The following PDILT variants were observed in gnomAD, a reference collection of about 807,000 sequenced individuals.
PDILT encodes protein disulfide isomerase like, testis expressed, also known as protein disulfide-isomerase-like protein of the testis.
A neutral mutation model predicts 53.7 loss-of-function variants in PDILT; 43 were observed. The observed-to-expected ratio is 0.80, with a 90% CI of 0.63 to 1.03. The LOEUF is 1.03. Ranked by LOEUF, PDILT falls within the 50% of genes least tolerant of loss-of-function variation. The probability of loss-of-function intolerance (pLI) is 0.00; values close to 1 mark genes in which losing one functional copy is unlikely to be tolerated. For synonymous variants in PDILT, 282 were observed against 274.2 expected (o/e 1.03, Z -0.28); for missense variants, 727 against 712.3 (o/e 1.02, Z -0.24).
intron 4 of PDILT, among the ~76,000 whole-genome samples, chr16:20,375,269 G>A (rs1416192365): frequency 6.6e-6 from 1 of 152,188 alleles, no homozygotes; most frequent in African/African-American, 2.4e-5. Flanking sequence ...ACTTTCAGAA[G>A]AGGCAATTGA....
intron 2 of PDILT, among the ~76,000 whole-genome samples, chr16:20,397,474 T>A (rs1349586477): frequency 6.6e-6 from 1 of 152,052 alleles, no homozygotes; most frequent in Non-Finnish European, 1.5e-5. Flanking sequence ...CATTTTACAG[T>A]CAAGTAAACA....
intron 2 of PDILT, among the ~76,000 whole-genome samples, chr16:20,393,793 A>G (rs976565257): frequency 6.6e-6 from 1 of 152,200 alleles, no homozygotes; most frequent in African/African-American, 2.4e-5. Flanking sequence ...GCAAATTGAT[A>G]AGCATGTTCT....
intron 1 of PDILT, among the ~76,000 whole-genome samples, chr16:20,401,767 T>TC (rs1966743576): frequency 6.6e-6 from 1 of 152,190 alleles, no homozygotes; most frequent in South Asian, 2.1e-4. Context: ...GGGCTGAGCC[T>TC]CTGAGCAAAA....
Position 20,369,516 on chromosome 16 carries a change from G to C in PDILT, c.1092C>G (p.Arg364=). Reference sequence around the variant, plus strand: ...CTGTGGCATTTTTACTCAGGAAGCTGCGGCCAAATTTCTTGAGGCTTTCGT... The same window carrying C: ...CTGTGGCATTTTTACTCAGGAAGCTCCGGCCAAATTTCTTGAGGCTTTCGT... ...ITYESLKKFG[R]SFLSKNATKH... is the part of the protein sequence containing the mutation. The change falls in exon 8 of 12, where the codon CGC becomes CGG. Residue 364 remains arginine (R), a synonymous_variant. Coordinates refer to ENST00000302451, the MANE Select transcript of PDILT (RefSeq NM_174924.2). 6.2e-7 allele frequency: 1 copy of C among 1,614,178 alleles called. No individual in the cohort carries two copies. Among genetic ancestry groups the C allele is most frequent in the Non-Finnish European group, 8.5e-7 (1 of 1,179,986 alleles).
At chr16:20,369,113 A>G (rs1322304128) in intron 8 of PDILT, among the ~76,000 whole-genome samples, 1 of 152,190 alleles carries the variant, frequency 6.6e-6, no homozygotes, top group East Asian at 1.9e-4. Flanking sequence ...CTGTGGCTCC[A>G]TCTCCCTTCT....
At position 20,399,295 on chromosome 16, in the gene PDILT, G is replaced by A; in HGVS notation, c.6C>T (p.Asp2=). M[D]LLWMPLLLVA... is the part of the protein sequence containing the mutation. ...CCAGCAGCAGGGGCATCCAGAGTAGGTCCATGGCTGTCCTGCAGGGGCCGG... is the reference window on the plus strand; with the variant it reads ...CCAGCAGCAGGGGCATCCAGAGTAGATCCATGGCTGTCCTGCAGGGGCCGG... The change falls in exon 2 of 12, where the codon GAC becomes GAT. Residue 2 remains aspartate (D), a synonymous_variant. Coordinates refer to ENST00000302451, the MANE Select transcript of PDILT (RefSeq NM_174924.2). The A allele has an allele frequency of 6.2e-7, 1 of 1,613,854 alleles. No individual in the cohort carries two copies. Among genetic ancestry groups the A allele is most frequent in the Non-Finnish European group, 8.5e-7 (1 of 1,179,870 alleles).
At chr16:20,397,557 G>A (rs568707608) in intron 2 of PDILT, among the ~76,000 whole-genome samples, 5 of 152,318 alleles carry the variant, frequency 3.3e-5, no homozygotes, top group Admixed American at 6.5e-5. Flanking sequence ...GCCTTTGAAC[G>A]TAGGACTGTG....
chr16:20,400,040 ATC>A (rs1336645286), intron 1 of PDILT, among the ~76,000 whole-genome samples: 2,697 of 125,378 alleles, frequency 0.022, 50 homozygotes, highest in African/African-American at 0.053. Context: ...CTATCTATCT[ATC>A]TATCTATCTA....
chr16:20,393,858 C>T (rs1474946712), intron 2 of PDILT, among the ~76,000 whole-genome samples: 1 of 152,220 alleles, frequency 6.6e-6, no homozygotes, highest in East Asian at 1.9e-4. Context: ...CCTTGCAGGA[C>T]TGTGGGCCAG....
At chr16:20,369,804 A>G (rs1966277215) in intron 7 of PDILT, 115 bp from the exon 8 acceptor site, 2 of 996,260 alleles carry the variant, frequency 2.0e-6, no homozygotes, top group East Asian at 2.5e-5. Context: ...GCACCTCTGC[A>G]AAATGTAACA....
At chr16:20,380,034 C>T (rs1031190551) in intron 3 of PDILT, among the ~76,000 whole-genome samples, 8 of 152,304 alleles carry the variant, frequency 5.3e-5, no homozygotes, top group Non-Finnish European at 1.0e-4. Context: ...AATTGATTTA[C>T]AAAATCTGAA....
At chr16:20,369,815 A>C in intron 7 of PDILT, 126 bp from the exon 8 acceptor site, 2 of 918,220 alleles carry the variant, frequency 2.2e-6, no homozygotes, top group Non-Finnish European at 3.4e-6. Context: ...AAATGTAACA[A>C]AGGCAGGTGG....
In PDILT at chr16:20,398,438, G is replaced by A. The variant is rs150156600; in HGVS notation, c.202+661C>T. ...GGAGTTCGCGACCAGCCTGGCCTACGTGGTGAAACCCTGTCTCTACTAAAA... is the reference window on the plus strand; with the variant it reads ...GGAGTTCGCGACCAGCCTGGCCTACATGGTGAAACCCTGTCTCTACTAAAA... On this transcript the variant is annotated intron_variant, in intron 2 of 11. Coordinates refer to ENST00000302451, the MANE Select transcript of PDILT (RefSeq NM_174924.2). 9.8e-3 allele frequency among the ~76,000 whole-genome samples: 1,498 copies of A among 152,160 alleles called. 22 individuals carry two copies. The highest frequency in any genetic ancestry group is 0.037 in the Middle Eastern group (11 of 294).
At chr16:20,377,829 C>T (rs1456043036) in intron 3 of PDILT, among the ~76,000 whole-genome samples, 1 of 152,142 alleles carries the variant, frequency 6.6e-6, no homozygotes, top group Non-Finnish European at 1.5e-5. Flanking sequence ...TGGCACACGC[C>T]TGTAATCCCA....
intron 2 of PDILT, among the ~76,000 whole-genome samples, chr16:20,385,682 C>T (rs1389699118): frequency 1.3e-5 from 2 of 152,030 alleles, no homozygotes; most frequent in Admixed American, 6.6e-5. Context: ...TCTCAGACCT[C>T]ACCTCTACAC....
chr16:20,384,529 G>C (rs1966504258), intron 3 of PDILT, 116 bp downstream of exon 3: 1 of 1,255,028 alleles, frequency 8.0e-7, no homozygotes, highest in African/African-American at 1.5e-5. Context: ...GTCACAAGCT[G>C]GAGGATCCTG....
intron 1 of PDILT, among the ~76,000 whole-genome samples, chr16:20,400,352 G>A (rs1246005486): frequency 1.3e-5 from 2 of 151,734 alleles, no homozygotes; most frequent in Non-Finnish European, 2.9e-5. Flanking sequence ...TGGGATTACA[G>A]GCATTATCCA....
In PDILT at chr16:20,399,285, T is replaced by C; in HGVS notation, c.16A>G (p.Met6Val). The change falls in exon 2 of 12, where the codon ATG becomes GTG. Residue 6 changes from methionine (M) to valine (V), a missense_variant. Met to Val is a conservative substitution (Grantham distance 21). Transcript: ENST00000302451. MDLLW[M>V]PLLLVAACVS... ...CAAGCGGCCACCAGCAGCAGGGGCA[T>C]CCAGAGTAGGTCCATGGCTGTCCTG... 1.9e-6 allele frequency: 3 copies of C among 1,613,966 alleles called. No individual in the cohort carries two copies. Among genetic ancestry groups the C allele is most frequent in the Admixed American group, 1.7e-5 (1 of 60,026 alleles).
rs1966512590 is a variant in PDILT at position 20,384,860 on chromosome 16, G to A, written c.203-9C>T. On this transcript the variant is annotated splice_polypyrimidine_tract_variant and intron_variant, in intron 2 of 11. Transcript: ENST00000302451. ...CTTTGAGGATGGGTTGTCTGAAAGAGTATGAAGACAAAATTTGAGAGGCCT... is the reference window on the plus strand; with the variant it reads ...CTTTGAGGATGGGTTGTCTGAAAGAATATGAAGACAAAATTTGAGAGGCCT... 1 of 1,613,682 alleles carries A rather than the reference G, an allele frequency of 6.2e-7. No individual in the cohort carries two copies. The highest frequency in any genetic ancestry group is 8.5e-7 in the Non-Finnish European group (1 of 1,179,548).
Sources: gnomAD v4.1 joint callset for allele counts (sites outside exome capture counted in the v4.1 genomes callset) on GRCh38, gnomAD v4.1.1 for gene constraint, MANE v1.5 for transcripts, NCBI Gene and HGNC (gene_info 2026-07-23, HGNC 2026-07-21) for gene names.